Variants in PRKCE observed in about 807,000 individuals in gnomAD.
PRKCE encodes the protein protein kinase C epsilon, also known as protein kinase C epsilon type.
A neutral mutation model predicts 85.4 loss-of-function variants in PRKCE; 16 were observed. That is an observed-to-expected ratio of 0.19 (90% confidence interval 0.13 to 0.28). The LOEUF is 0.28. Ranked by LOEUF, PRKCE falls within the 10% of genes least tolerant of loss-of-function variation. The pLI is 1.00. For missense variants in PRKCE, 573 were observed against 975.2 expected (o/e 0.59, Z 5.49); for synonymous variants, 388 against 371.5 (o/e 1.04, Z -0.51).
At chr2:45,800,562 C>T (rs1360995974) in intron 1 of PRKCE, among the ~76,000 whole-genome samples, 2 of 152,194 alleles carry the variant, frequency 1.3e-5, no homozygotes, top group African/African-American at 2.4e-5. Context: ...GGGCAGCCTT[C>T]ACTCCTTACT....
At position 46,159,789 on chromosome 2, in the gene PRKCE, C is replaced by A; in HGVS notation, c.2067+37C>A. 1 of 1,595,734 alleles carries A rather than the reference C, an allele frequency of 6.3e-7. No homozygotes were observed. Among genetic ancestry groups the A allele is most frequent in the Non-Finnish European group, 8.5e-7 (1 of 1,178,600 alleles). On this transcript the variant is annotated intron_variant, in intron 14 of 14. Transcript: ENST00000306156. The surrounding 1 kb of genome is among the most constrained non-coding windows in gnomAD (Gnocchi z 4.1). ...CCCGTGCACGTTCAGCACCATGGGT[C>A]GGGCCCAGGTACTTGCAGGACAGGC...
chr2:45,868,311 T>A (rs1254276799), intron 2 of PRKCE, among the ~76,000 whole-genome samples: 1 of 90,154 alleles, frequency 1.1e-5, no homozygotes, highest in African/African-American at 4.0e-5. Context: ...AAAATCCCCT[T>A]TCCTGTCCAA....
chr2:45,880,348 C>T (rs780468136), intron 2 of PRKCE, among the ~76,000 whole-genome samples: 1 of 152,156 alleles, frequency 6.6e-6, no homozygotes, highest in Non-Finnish European at 1.5e-5. Context: ...ATACAGATAT[C>T]TCTTTGATAT....
At chr2:45,998,892 A>C (rs558884205) in intron 6 of PRKCE, among the ~76,000 whole-genome samples, 3 of 152,290 alleles carry the variant, frequency 2.0e-5, no homozygotes, top group Middle Eastern at 3.4e-3. Context: ...ATGCATTTAC[A>C]ACAAATCCAA....
chr2:46,063,556 G>A (rs1160422328), intron 10 of PRKCE, among the ~76,000 whole-genome samples: 3 of 152,206 alleles, frequency 2.0e-5, no homozygotes, highest in East Asian at 1.9e-4. Context: ...CCTGATGGGG[G>A]ATGGCGCCCA....
intron 1 of PRKCE, among the ~76,000 whole-genome samples, chr2:45,780,069 C>T (rs1686063183): frequency 1.2e-5 from 1 of 81,558 alleles, no homozygotes; most frequent in South Asian, 3.8e-4. Context: ...ATCTCAAAGA[C>T]ACTTTTAAAA....
intron 1 of PRKCE, among the ~76,000 whole-genome samples, chr2:45,702,103 C>T (rs1194570246): frequency 1.3e-5 from 2 of 152,124 alleles, no homozygotes; most frequent in African/African-American, 4.8e-5. Flanking sequence ...GCAGGAGAAT[C>T]ACTTGAACCT....
intron 1 of PRKCE, among the ~76,000 whole-genome samples, chr2:45,689,507 T>C (rs1016385963): frequency 4.6e-5 from 7 of 151,190 alleles, no homozygotes; most frequent in African/African-American, 1.5e-4. Flanking sequence ...ATCCTTTATT[T>C]GTTTTTATAT....
intron 1 of PRKCE, among the ~76,000 whole-genome samples, chr2:45,711,428 C>T (rs1023147109): frequency 6.6e-6 from 1 of 152,190 alleles, no homozygotes; most frequent in Admixed American, 6.5e-5. Flanking sequence ...CTTAATGTCT[C>T]TGTGTCTCAA....
chr2:45,808,550 C>T (rs189772330), intron 1 of PRKCE, among the ~76,000 whole-genome samples: 2 of 152,316 alleles, frequency 1.3e-5, no homozygotes, highest in African/African-American at 4.8e-5. Context: ...ATGCCAAAGT[C>T]ACTGATGGTG....
At chr2:46,017,669 C>T (rs1295108584) in intron 10 of PRKCE, among the ~76,000 whole-genome samples, 2 of 152,220 alleles carry the variant, frequency 1.3e-5, no homozygotes, top group Non-Finnish European at 2.9e-5. Flanking sequence ...TTCCCATCAA[C>T]AGTGCACCAG....
rs753589318 is a variant in PRKCE at position 45,905,970 on chromosome 2, C to T, written c.412+62907C>T. Among the ~76,000 whole-genome samples, 12 of 152,184 alleles carry T rather than the reference C, an allele frequency of 7.9e-5. No individual in the cohort carries two copies. The highest frequency in any genetic ancestry group is 1.3e-4 in the Non-Finnish European group (9 of 68,036). ...GCCGGGGTGGGCAGGCTATCTTCAG[C>T]GGTGATGCGCTTTCAACCCTCCTCC... is the stretch of plus-strand genomic sequence containing the variant. On this transcript the variant is annotated intron_variant, in intron 2 of 14. Transcript: ENST00000306156. The surrounding 1 kb of genome is among the most constrained non-coding windows in gnomAD (Gnocchi z 4.4).
intron 1 of PRKCE, among the ~76,000 whole-genome samples, chr2:45,722,833 G>A (rs1363149011): frequency 6.6e-6 from 1 of 152,252 alleles, no homozygotes; most frequent in Non-Finnish European, 1.5e-5. Context: ...GGGCGTGGTG[G>A]CTCACGCCTG....
intron 1 of PRKCE, among the ~76,000 whole-genome samples, chr2:45,776,337 C>T (rs897398345): frequency 4.6e-5 from 7 of 152,182 alleles, no homozygotes; most frequent in Non-Finnish European, 1.0e-4. Context: ...TACTTGAATC[C>T]CCTACGAGTT....
At chr2:45,704,596 C>T (rs992693082) in intron 1 of PRKCE, among the ~76,000 whole-genome samples, 1 of 152,196 alleles carries the variant, frequency 6.6e-6, no homozygotes, top group Non-Finnish European at 1.5e-5. Flanking sequence ...CTGCCAGTTA[C>T]TCTCTGGGTC....
intron 2 of PRKCE, among the ~76,000 whole-genome samples, chr2:45,880,093 C>T (rs977436780): frequency 1.3e-5 from 2 of 152,192 alleles, no homozygotes; most frequent in Non-Finnish European, 2.9e-5. Context: ...CTTCTTTTAG[C>T]TTCCACATGA....
chr2:46,005,712 G>C (rs368802855), intron 8 of PRKCE, among the ~76,000 whole-genome samples: 3 of 152,106 alleles, frequency 2.0e-5, no homozygotes, highest in African/African-American at 7.2e-5. Flanking sequence ...AGCTTCGGGG[G>C]TCATGCACCA....
chr2:45,825,027 T>G (rs764809475), intron 1 of PRKCE, among the ~76,000 whole-genome samples: 2 of 152,174 alleles, frequency 1.3e-5, no homozygotes, highest in East Asian at 1.9e-4. Context: ...GTACATGGAT[T>G]GAGAAATGAG....
intron 1 of PRKCE, among the ~76,000 whole-genome samples, chr2:45,678,731 G>T (rs1047374722): frequency 1.3e-5 from 2 of 151,698 alleles, no homozygotes; most frequent in Admixed American, 1.3e-4. Context: ...GCTCAGCCTC[G>T]ATGGACTCTG....
Sources: allele counts gnomAD v4.1 joint callset (sites outside exome capture counted in the v4.1 genomes callset), GRCh38; gene constraint gnomAD v4.1.1; non-coding constraint Gnocchi (gnomAD v3.1); transcripts MANE v1.5; gene names NCBI Gene and HGNC (gene_info 2026-07-23, HGNC 2026-07-21).